Variants in VAT1L observed in about 807,000 individuals in gnomAD.
The protein encoded by VAT1L is vesicle amine transport 1 like, also known as putative NADPH-dependent quinone oxidoreductase VAT1L.
Under a neutral mutation model 44.1 loss-of-function variants are expected in VAT1L, and 34 were observed. The ratio of observed to expected loss-of-function variants is 0.77; its 90% confidence interval spans 0.59 to 1.03. The LOEUF (loss-of-function observed/expected upper bound fraction) is 1.03, where lower values mean the gene tolerates loss of function less well. Among genes scored for constraint, VAT1L ranks in the 50% least tolerant of loss-of-function variants. The pLI, the probability that VAT1L is intolerant of heterozygous loss-of-function variation, is 0.00. For synonymous variants in VAT1L, 253 were observed against 202.2 expected, an observed-to-expected ratio of 1.25 and a Z score of -2.13; for missense variants, 615 against 538.8, an observed-to-expected ratio of 1.14 and a Z score of -1.40.
chr16:77,948,458 G>A (rs374458), intron 7 of VAT1L, among the ~76,000 whole-genome samples: 1 of 151,936 alleles, frequency 6.6e-6, no homozygotes, highest in Non-Finnish European at 1.5e-5. Flanking sequence ...TCACAGTTGA[G>A]CATTTGAGTG....
intron 3 of VAT1L, among the ~76,000 whole-genome samples, chr16:77,839,535 C>CTA (rs2016680204): frequency 4.3e-4 from 21 of 49,070 alleles, no homozygotes; most frequent in Admixed American, 1.8e-3. Flanking sequence ...TACTCCATAT[C>CTA]AAAAAAAAAA....
intron 7 of VAT1L, among the ~76,000 whole-genome samples, chr16:77,956,733 G>C (rs2018108128): frequency 6.6e-6 from 1 of 152,204 alleles, no homozygotes; most frequent in Non-Finnish European, 1.5e-5. Flanking sequence ...AAGTGGGGGA[G>C]AACCGGCTTT....
intron 7 of VAT1L, among the ~76,000 whole-genome samples, chr16:77,951,124 G>C (rs1411448975): frequency 6.6e-6 from 1 of 152,198 alleles, no homozygotes; most frequent in Non-Finnish European, 1.5e-5. Flanking sequence ...AAGATACGTT[G>C]GCTGCACTGG....
intron 7 of VAT1L, among the ~76,000 whole-genome samples, chr16:77,948,999 C>T (rs1474995100): frequency 6.6e-6 from 1 of 152,148 alleles, no homozygotes; most frequent in African/African-American, 2.4e-5. Flanking sequence ...TACAGCACAG[C>T]ATCAAACCCT....
intron 4 of VAT1L, among the ~76,000 whole-genome samples, chr16:77,875,353 A>T (rs370759079): frequency 3.3e-5 from 5 of 152,360 alleles, no homozygotes; most frequent in African/African-American, 1.2e-4. Flanking sequence ...TGCAATGCCT[A>T]AATTTTGCTA....
intron 7 of VAT1L, among the ~76,000 whole-genome samples, chr16:77,968,983 T>TA (rs2018251889): frequency 6.6e-6 from 1 of 152,052 alleles, no homozygotes; most frequent in Non-Finnish European, 1.5e-5. Context: ...CACACCCAAC[T>TA]AATTTTTGTT....
chr16:77,885,122 A>G (rs924515107), intron 7 of VAT1L, among the ~76,000 whole-genome samples: 1 of 152,204 alleles, frequency 6.6e-6, no homozygotes, highest in African/African-American at 2.4e-5. Flanking sequence ...GGCATCATAC[A>G]TATTGTCACC....
intron 7 of VAT1L, among the ~76,000 whole-genome samples, chr16:77,906,233 G>C (rs1393848510): frequency 6.6e-6 from 1 of 152,214 alleles, no homozygotes; most frequent in Non-Finnish European, 1.5e-5. Flanking sequence ...GAGGGAGAGA[G>C]ATTTGATGTT....
chr16:77,948,412 T>G (rs1389309135), intron 7 of VAT1L, among the ~76,000 whole-genome samples: 1 of 152,194 alleles, frequency 6.6e-6, no homozygotes, highest in Non-Finnish European at 1.5e-5. Context: ...TGCAACACCA[T>G]CATCAAACAT....
At position 77,892,123 on chromosome 16, in the gene VAT1L, C is replaced by T. The variant is rs576719994; in HGVS notation, c.1077+7321C>T. 1.7e-4 allele frequency among the ~76,000 whole-genome samples: 26 copies of T among 152,160 alleles called. No homozygotes were observed. In the South Asian group the frequency reaches 4.4e-3, roughly 26 times the overall value. ...CAAGGACAGAGAAGGTGGAATGGCC[C>T]GAGTCAAGGCTGTGGAGTAATGTGA... On this transcript the variant is annotated intron_variant, in intron 7 of 8. Coordinates refer to ENST00000302536, the MANE Select transcript of VAT1L (RefSeq NM_020927.3).
intron 3 of VAT1L, among the ~76,000 whole-genome samples, chr16:77,853,220 G>A (rs1293569539): frequency 6.6e-6 from 1 of 152,158 alleles, no homozygotes; most frequent in Non-Finnish European, 1.5e-5. Flanking sequence ...GGGGATGGGG[G>A]CTTATTTTCT....
At chr16:77,923,717 C>T (rs2017636267) in intron 7 of VAT1L, among the ~76,000 whole-genome samples, 1 of 152,304 alleles carries the variant, frequency 6.6e-6, no homozygotes, top group East Asian at 1.9e-4. Context: ...CTGCTTCTTT[C>T]TCAAAGTTGG....
At chr16:77,928,668 A>G (rs2017695525) in intron 7 of VAT1L, among the ~76,000 whole-genome samples, 1 of 152,196 alleles carries the variant, frequency 6.6e-6, no homozygotes, top group African/African-American at 2.4e-5. Flanking sequence ...CCCCTCGTAA[A>G]TGACGTGTTT....
At chr16:77,880,950 A>G (rs573217301) in intron 6 of VAT1L, among the ~76,000 whole-genome samples, 4 of 152,326 alleles carry the variant, frequency 2.6e-5, no homozygotes, top group African/African-American at 9.6e-5. Flanking sequence ...ATGACTGCAT[A>G]GTATTCCATG....
chr16:77,951,450 G>C (rs535296006), intron 7 of VAT1L, among the ~76,000 whole-genome samples: 31 of 152,312 alleles, frequency 2.0e-4, no homozygotes, highest in Non-Finnish European at 4.6e-4. Context: ...GGAGGCTGAA[G>C]CAGGAGAATC....
At chr16:77,863,028 C>A in intron 4 of VAT1L, 138 bp downstream of exon 4, 3 of 1,062,088 alleles carry the variant, frequency 2.8e-6, no homozygotes, top group Non-Finnish European at 4.0e-6. Flanking sequence ...AGCTCTGTGC[C>A]AAATATTTCA....
In VAT1L at chr16:77,837,618, A is replaced by T. The variant is rs567926234; in HGVS notation, c.579+12157A>T. On this transcript the variant is annotated intron_variant, in intron 3 of 8. Coordinates refer to ENST00000302536, the MANE Select transcript of VAT1L (RefSeq NM_020927.3). ...ACAGAAAAGGGCCAAAACCAGCAGT[A>T]TGTACATTATAAAAATGGTATGAAA... Among the ~76,000 whole-genome samples the T allele has an allele frequency of 5.4e-4, 82 of 152,192 alleles. 1 individual carries two copies. The highest frequency in any genetic ancestry group is 9.6e-4 in the Non-Finnish European group (65 of 68,028).
chr16:77,921,632 C>T (rs1016727012), intron 7 of VAT1L, among the ~76,000 whole-genome samples: 1 of 152,172 alleles, frequency 6.6e-6, no homozygotes, highest in Non-Finnish European at 1.5e-5. Context: ...TTTTATGTCT[C>T]TACTAATATT....
rs2142552380 is a variant in VAT1L, at chr16:77,979,178, C to CTTTTTA, written c.*1484_*1489dup. 6.5e-6 allele frequency: 1 copy of CTTTTTA among 152,718 alleles called. No homozygotes were observed. Among genetic ancestry groups the CTTTTTA allele is most frequent in the Non-Finnish European group, 1.5e-5 (1 of 68,032 alleles). The allele number at this position is 152,718 out of a possible 1,614,324, so 9.5% of individuals were successfully genotyped here. The stretch of plus-strand genomic sequence containing the variant: ...TAGCAAATGTCACCTCATTCGTGGT[C>CTTTTTA]TTTTTACCTATCCTAAGCTTATGAT... On this transcript the variant is annotated 3_prime_UTR_variant, in exon 9 of 9. Coordinates refer to ENST00000302536, the MANE Select transcript of VAT1L (RefSeq NM_020927.3).
Sources: allele counts gnomAD v4.1 joint callset (sites outside exome capture counted in the v4.1 genomes callset), GRCh38; gene constraint gnomAD v4.1.1; transcripts MANE v1.5; gene names NCBI Gene and HGNC (gene_info 2026-07-23, HGNC 2026-07-21).